Variants in PRKAG3 observed in about 807,000 individuals in gnomAD.
PRKAG3 encodes the protein 5'-AMP-activated protein kinase subunit gamma-3.
PRKAG3 carries 39 observed loss-of-function variants against 56.5 expected under a neutral mutation model. The ratio of observed to expected loss-of-function variants is 0.69; its 90% confidence interval spans 0.53 to 0.90. PRKAG3 has a LOEUF of 0.90. PRKAG3 is among the 40% of genes least tolerant of loss of function. PRKAG3 has a pLI of 0.00. For missense variants in PRKAG3, 628 were observed against 627.5 expected, an observed-to-expected ratio of 1.00 and a Z score of -0.01; for synonymous variants, 243 against 250.1, an observed-to-expected ratio of 0.97 and a Z score of 0.27.
intron 4 of PRKAG3, among the ~76,000 whole-genome samples, chr2:218,829,325 CTT>C (rs200071537): frequency 5.6e-5 from 8 of 143,030 alleles, no homozygotes; most frequent in Non-Finnish European, 4.6e-5. Flanking sequence ...TCTGTGATGC[CTT>C]TTTTTTTTTT....
chr2:218,824,315 G>T lies in PRKAG3; in HGVS notation c.1260C>A (p.Ala420=), dbSNP rs775425287. ...CCAGACATAGTGTCCTCTGCCTCAG[G>T]GCTTCTCCCACACTCATGTCCAGGT... The change falls in exon 12 of 13, where the codon GCC becomes GCA. Residue 420 remains alanine (A), a synonymous_variant. Transcript: ENST00000529249. The T allele has an allele frequency of 2.5e-6, 4 of 1,614,134 alleles. No homozygotes were observed. The South Asian group carries it at 4.4e-5, about 18-fold the overall frequency.
intron 12 of PRKAG3, 42 bp downstream of exon 12, chr2:218,824,180 G>T: frequency 6.2e-7 from 1 of 1,613,878 alleles, no homozygotes; most frequent in Non-Finnish European, 8.5e-7. Context: ...GAGAAGGACT[G>T]GGCTATATGT....
rs992172155 is a variant in PRKAG3 at position 218,827,506 on chromosome 2, G to A, written c.875+69C>T. ...CGCCTAGGATGAAGAGGTGAGTTCAGAGCTGAGTGGGACTGGGGAAGGGGA... is the reference window on the plus strand; with the variant it reads ...CGCCTAGGATGAAGAGGTGAGTTCAAAGCTGAGTGGGACTGGGGAAGGGGA... On this transcript the variant is annotated intron_variant, in intron 8 of 12. Coordinates refer to ENST00000529249, the Ensembl canonical transcript of PRKAG3. The surrounding 1 kb of genome is among the most constrained non-coding windows in gnomAD (Gnocchi z 5.3). 6.2e-7 allele frequency: 1 copy of A among 1,601,528 alleles called. No individual in the cohort carries two copies. The highest frequency in any genetic ancestry group is 8.6e-7 in the Non-Finnish European group (1 of 1,169,026).
At chr2:218,826,075 TAAG>T (rs1307473983) in intron 10 of PRKAG3, among the ~76,000 whole-genome samples, 2 of 152,186 alleles carry the variant, frequency 1.3e-5, no homozygotes, top group Non-Finnish European at 2.9e-5. Flanking sequence ...ACACTTGTTT[TAAG>T]AAGTGCAGAC....
intron 3 of PRKAG3, 132 bp downstream of exon 3, chr2:218,830,614 C>T: frequency 8.0e-7 from 1 of 1,246,052 alleles, no homozygotes; most frequent in Non-Finnish European, 1.1e-6. Flanking sequence ...TGTAGGGAGA[C>T]TGAGGCCACA....
At chr2:218,830,524 C>T (rs935964590) in intron 3 of PRKAG3, 143 bp from the exon 4 acceptor site, 6 of 1,216,832 alleles carry the variant, frequency 4.9e-6, no homozygotes, top group East Asian at 2.5e-5. Context: ...ACCTGAGAGT[C>T]GCCCCAGGTA....
exon 5 of PRKAG3, chr2:218,828,579 G>A: frequency 1.2e-6 from 2 of 1,613,676 alleles, no homozygotes. Context: ...TTGGCCACCA[G>A]AGCAAAGAAG....
chr2:218,830,200 C>G, exon 4 of PRKAG3: 1 of 1,614,100 alleles, frequency 6.2e-7, no homozygotes, highest in South Asian at 1.1e-5. Flanking sequence ...CTGGGAACTC[C>G]GTGGCCAGCT....
Position 218,827,379 on chromosome 2 carries a change from G to C in PRKAG3, c.876-6C>G. 1 of 1,614,112 alleles carries C rather than the reference G, an allele frequency of 6.2e-7. No individual in the cohort carries two copies. Among genetic ancestry groups the C allele is most frequent in the Non-Finnish European group, 8.5e-7 (1 of 1,180,006 alleles). ...TGTAGACAGCTTCAAACAGGCTGCA[G>C]AGATGGGAGCAGTGAGCCTCGGGGC... On this transcript the variant is annotated splice_polypyrimidine_tract_variant and splice_region_variant and intron_variant, in intron 8 of 12. Transcript: ENST00000529249. The surrounding 1 kb of genome is among the most constrained non-coding windows in gnomAD (Gnocchi z 5.3).
chr2:218,827,796 C>T lies in PRKAG3; in HGVS notation c.820+37G>A, dbSNP rs1575211968. The T allele has an allele frequency of 2.7e-6, 4 of 1,464,800 alleles. No individual in the cohort carries two copies. Among genetic ancestry groups the T allele is most frequent in the African/African-American group, 5.7e-5 (2 of 35,374 alleles). The allele number at this position is 1,464,800 out of a possible 1,614,324, so 90.7% of individuals were successfully genotyped here. Reference sequence around the variant, plus strand: ...TCCACCTTAAGCCCTGGCCCACCATCACCAACAGCCCTTTCCGGGTTCCTC... The same window carrying T: ...TCCACCTTAAGCCCTGGCCCACCATTACCAACAGCCCTTTCCGGGTTCCTC... On this transcript the variant is annotated intron_variant, in intron 7 of 12. Transcript: ENST00000529249. This position sits in a 1 kb window ranked among gnomAD's most constrained non-coding sequence, Gnocchi z 5.3.
chr2:218,828,950 C>T (rs543096363), intron 4 of PRKAG3, among the ~76,000 whole-genome samples: 11 of 152,238 alleles, frequency 7.2e-5, no homozygotes, highest in South Asian at 2.1e-4. Flanking sequence ...GACTAAGTAC[C>T]GGAGGCATAG....
At chr2:218,823,419 G>T (rs1361650695) in exon 13 of PRKAG3, 9 of 346,426 alleles carry the variant, frequency 2.6e-5, no homozygotes, top group South Asian at 2.4e-4. Flanking sequence ...AAGTCACATC[G>T]CAGCCTTAGC....
chr2:218,828,020 T>C lies in PRKAG3; in HGVS notation c.758A>G (p.Tyr253Cys), dbSNP rs1015556317. The C allele has an allele frequency of 1.9e-6, 3 of 1,570,238 alleles. No individual in the cohort carries two copies. The highest frequency in any genetic ancestry group is 1.7e-6 in the Non-Finnish European group (2 of 1,156,762). ...ACTCCTCACCAGGGGGGACCTGTAG[T>C]AGCGATGCAGCACCAGGATGAAGTC... Residue 253 changes from tyrosine (Y) to cysteine (C), a missense_variant, in exon 6 of 13, where the codon TAC (tyrosine) becomes TGC (cysteine). Physicochemically the swap from Tyr to Cys is radical, Grantham distance 194 (BLOSUM62 -2). Transcript: ENST00000529249.
chr2:218,830,650 G>GT (rs1470801613), intron 3 of PRKAG3, 96 bp downstream of exon 3: 21 of 1,447,054 alleles, frequency 1.5e-5, no homozygotes, highest in Non-Finnish European at 2.0e-5. Context: ...CCAACTCTGT[G>GT]TTATGGAGGG....
Position 218,827,139 on chromosome 2 carries a change from C to G in PRKAG3, c.1003-46G>C. The G allele has an allele frequency of 6.2e-7, 1 of 1,612,754 alleles. No homozygotes were observed. Among genetic ancestry groups the G allele is most frequent in the Non-Finnish European group, 8.5e-7 (1 of 1,179,902 alleles). On this transcript the variant is annotated intron_variant, in intron 9 of 12. Transcript: ENST00000529249. This position sits in a 1 kb window ranked among gnomAD's most constrained non-coding sequence, Gnocchi z 5.3. The stretch of plus-strand genomic sequence containing the variant: ...GTGGAGATCAGGGATCCAGCAGCTT[C>G]AAGAGGGCTCCCAGCTCTTCCCCAC...
In PRKAG3 at chr2:218,827,662, C is replaced by G. The variant is rs1486308848; in HGVS notation, c.821-33G>C. On this transcript the variant is annotated intron_variant, in intron 7 of 12. Transcript: ENST00000529249. This position sits in a 1 kb window ranked among gnomAD's most constrained non-coding sequence, Gnocchi z 5.3. ...AAGAGCCAGAGTCAGGCCAGGGGAG[C>G]CGGTCACCTGCCTCACCTTGCAGTC... 1.2e-6 allele frequency: 2 copies of G among 1,610,882 alleles called. No homozygotes were observed. Among genetic ancestry groups the G allele is most frequent in the Non-Finnish European group, 1.7e-6 (2 of 1,177,272 alleles).
In PRKAG3 at chr2:218,827,224, C is replaced by T; in HGVS notation, c.1002+23G>A. On this transcript the variant is annotated intron_variant, in intron 9 of 12. Transcript: ENST00000529249. This position sits in a 1 kb window ranked among gnomAD's most constrained non-coding sequence, Gnocchi z 5.3. Reference sequence around the variant, plus strand: ...ATCACCTGCCCAGGTCTCCCCCTTCCTCCCACCTGGGCCCAGGCTTACAAA... The same window carrying T: ...ATCACCTGCCCAGGTCTCCCCCTTCTTCCCACCTGGGCCCAGGCTTACAAA... 1 of 1,614,154 alleles carries T rather than the reference C, an allele frequency of 6.2e-7. No individual in the cohort carries two copies. The highest frequency in any genetic ancestry group is 8.5e-7 in the Non-Finnish European group (1 of 1,180,034).
At chr2:218,823,192 G>T, downstream of PRKAG3, 4 of 426,214 alleles carry the variant, frequency 9.4e-6, no homozygotes, top group Non-Finnish European at 1.3e-5. Flanking sequence ...TCCTCTGCAA[G>T]CCCCTAGCAA....
At chr2:218,828,437 T>A (rs1464489316) in intron 5 of PRKAG3, 82 bp downstream of exon 5, 2 of 1,390,814 alleles carry the variant, frequency 1.4e-6, no homozygotes, top group Admixed American at 4.2e-5. Flanking sequence ...TTGTGGTATA[T>A]CAGAGATCAG....
Sources: allele counts gnomAD v4.1 joint callset (sites outside exome capture counted in the v4.1 genomes callset), GRCh38; gene constraint gnomAD v4.1.1; non-coding constraint Gnocchi (gnomAD v3.1); transcripts MANE v1.5; gene names NCBI Gene and HGNC (gene_info 2026-07-23, HGNC 2026-07-21).